The following UBN2 variants were observed in gnomAD, a reference collection of about 807,000 sequenced individuals.
UBN2 encodes the protein ubinuclein 2, also known as ubinuclein-2.
UBN2 carries 35 observed loss-of-function variants against 120.2 expected under a neutral mutation model. The ratio of observed to expected loss-of-function variants is 0.29; its 90% confidence interval spans 0.22 to 0.39. The LOEUF is 0.39. UBN2 is among the 10% of genes least tolerant of loss of function. UBN2 has a pLI of 1.00. For missense variants in UBN2, 1,693 were observed against 1,663.2 expected, an observed-to-expected ratio of 1.02 and a Z score of -0.31; for synonymous variants, 661 against 648.7, an observed-to-expected ratio of 1.02 and a Z score of -0.29.
At chr7:139,297,347 G>T (rs1040784097) in intron 17 of UBN2, among the ~76,000 whole-genome samples, 4 of 151,258 alleles carry the variant, frequency 2.6e-5, no homozygotes, top group Admixed American at 6.6e-5. Context: ...CAGGAATTAT[G>T]AAATGCTGTG....
At chr7:139,237,193 G>A (rs1796187605) in intron 2 of UBN2, 96 bp downstream of exon 2, 4 of 711,016 alleles carry the variant, frequency 5.6e-6, no homozygotes, top group Non-Finnish European at 7.1e-6. Context: ...TCCGTTGCCT[G>A]CCTTACTTTG....
chr7:139,277,394 T>A (rs1291869661), intron 12 of UBN2: 6 of 152,194 alleles, frequency 3.9e-5, no homozygotes, highest in African/African-American at 1.4e-4. Context: ...ACTGATAACA[T>A]AAATAGTTCA....
chr7:139,238,216 T>C (rs542999022), intron 2 of UBN2, among the ~76,000 whole-genome samples: 31 of 152,264 alleles, frequency 2.0e-4, no homozygotes, highest in Non-Finnish European at 4.1e-4. Context: ...TCAGCTCACA[T>C]TGGCCTTGTC....
At position 139,283,322 on chromosome 7, in the gene UBN2, T is replaced by C. The variant is rs1797671594; in HGVS notation, c.2417T>C (p.Leu806Ser). 1.9e-6 allele frequency: 3 copies of C among 1,613,778 alleles called. No individual in the cohort carries two copies. The highest frequency in any genetic ancestry group is 1.3e-5 in the African/African-American group (1 of 74,788). ...KPRPGLREEK[L>S]ASIMSKLPLA... is the part of the protein sequence containing the mutation. ...CGTCCAGGACTGAGAGAAGAAAAAT[T>C]AGCAAGTATCATGAGTAAGCTGCCA... The change falls in exon 15 of 18, where the codon TTA becomes TCA. Residue 806 changes from leucine (L) to serine (S), a missense_variant. Leu to Ser is a moderately radical substitution (Grantham distance 145). This residue lies in a region of UBN2 where 837 missense variants were observed against 817.6 expected (regional missense o/e 1.02). Coordinates refer to ENST00000473989, the MANE Select transcript of UBN2 (RefSeq NM_173569.4).
chr7:139,327,658 C>A, the UBN2 span, among the ~76,000 whole-genome samples: 1 of 152,306 alleles, frequency 6.6e-6, no homozygotes, highest in African/African-American at 2.4e-5. Flanking sequence ...AACACTTGCA[C>A]TGGGAACCTA....
At chr7:139,323,297 A>G in the UBN2 span, among the ~76,000 whole-genome samples, 1 of 152,136 alleles carries the variant, frequency 6.6e-6, no homozygotes, top group Non-Finnish European at 1.5e-5. Context: ...CTACCAAAAA[A>G]TACAAAAATC....
At chr7:139,238,069 C>T (rs1487645742) in intron 2 of UBN2, among the ~76,000 whole-genome samples, 1 of 152,180 alleles carries the variant, frequency 6.6e-6, no homozygotes. Flanking sequence ...TAGAAAGCCC[C>T]ACTCCTCACC....
In UBN2 at chr7:139,284,438, T is replaced by G. The variant is rs1428168992; in HGVS notation, c.3533T>G (p.Leu1178Arg). The change falls in exon 15 of 18, where the codon CTT (leucine) becomes CGT (arginine). Residue 1178 changes from leucine to arginine, a missense_variant. By Grantham distance (102) the Leu-to-Arg change is moderately radical. Around this residue, in one of 5 missense-constraint regions of UBN2, gnomAD observed 837 missense variants for 817.6 expected, o/e 1.02. Coordinates refer to ENST00000473989, the MANE Select transcript of UBN2 (RefSeq NM_173569.4). ...MNVPASRGSNLNSSGANRTSL... is the reference protein window; with the variant it reads ...MNVPASRGSNRNSSGANRTSL... ...GTACCTGCCAGCAGAGGTAGCAACCTTAACTCAAGCGGAGCTAATAGGACT... is the reference window on the plus strand; with the variant it reads ...GTACCTGCCAGCAGAGGTAGCAACCGTAACTCAAGCGGAGCTAATAGGACT... The G allele has an allele frequency of 1.9e-6, 3 of 1,614,158 alleles. No homozygotes were observed. Among genetic ancestry groups the G allele is most frequent in the Non-Finnish European group, 1.7e-6 (2 of 1,180,036 alleles).
At chr7:139,248,030 A>G (rs1006058840) in intron 2 of UBN2, among the ~76,000 whole-genome samples, 7 of 152,160 alleles carry the variant, frequency 4.6e-5, no homozygotes, top group Non-Finnish European at 8.8e-5. Flanking sequence ...AGGCTGGCAC[A>G]TGGTAAGTGC....
chr7:139,256,123 A>G (rs1160358326), intron 3 of UBN2, among the ~76,000 whole-genome samples: 2 of 152,222 alleles, frequency 1.3e-5, no homozygotes, highest in Non-Finnish European at 2.9e-5. Flanking sequence ...AAATATTCAC[A>G]AAGAGTGTAT....
At chr7:139,248,685 G>A (rs542398029) in intron 2 of UBN2, among the ~76,000 whole-genome samples, 1 of 151,908 alleles carries the variant, frequency 6.6e-6, no homozygotes, top group Non-Finnish European at 1.5e-5. Context: ...TATGTGGCAG[G>A]ACTAGTCCTC....
the UBN2 span, among the ~76,000 whole-genome samples, chr7:139,329,480 G>A: frequency 6.6e-6 from 1 of 152,100 alleles, no homozygotes; most frequent in African/African-American, 2.4e-5. Flanking sequence ...GTTTTTGAAA[G>A]TCTCCCTGGG....
chr7:139,247,006 C>A (rs1354324392), intron 2 of UBN2, among the ~76,000 whole-genome samples: 1 of 152,106 alleles, frequency 6.6e-6, no homozygotes, highest in African/African-American at 2.4e-5. Context: ...TGCCATGAGT[C>A]AAGTTGCTAT....
intron 6 of UBN2, 45 bp from the exon 7 acceptor site, chr7:139,266,288 G>T: frequency 5.2e-6 from 6 of 1,146,374 alleles, no homozygotes; most frequent in Non-Finnish European, 7.6e-6. Context: ...GCAAAATAGA[G>T]TAATGGCCTA....
chr7:139,296,514 A>G (rs1251022444), intron 17 of UBN2, among the ~76,000 whole-genome samples: 1 of 152,034 alleles, frequency 6.6e-6, no homozygotes, highest in Non-Finnish European at 1.5e-5. Context: ...GCTGTCAGGC[A>G]TGGGTTGTCT....
intron 6 of UBN2, among the ~76,000 whole-genome samples, chr7:139,262,123 A>G (rs145126578): frequency 1.9e-4 from 28 of 151,258 alleles, no homozygotes; most frequent in Middle Eastern, 3.4e-3. Flanking sequence ...TTTTGAGACA[A>G]AGCCTTGCTC....
the UBN2 span, among the ~76,000 whole-genome samples, chr7:139,323,659 G>T: frequency 6.6e-6 from 1 of 150,982 alleles, no homozygotes; most frequent in African/African-American, 2.4e-5. Context: ...GCGCGATCTT[G>T]GCTCACTGCA....
chr7:139,270,236 G>T (rs896735997), intron 8 of UBN2, among the ~76,000 whole-genome samples: 1 of 150,816 alleles, frequency 6.6e-6, no homozygotes, highest in Non-Finnish European at 1.5e-5. Flanking sequence ...TTGTGCACCT[G>T]AGATTCATCT....
chr7:139,288,826 AC>A (rs1472557789), intron 15 of UBN2, among the ~76,000 whole-genome samples: 1 of 151,846 alleles, frequency 6.6e-6, no homozygotes, highest in Non-Finnish European at 1.5e-5. Flanking sequence ...ACATGGTGAA[AC>A]CCCATCTCTA....
Sources: gnomAD v4.1 joint callset for allele counts (sites outside exome capture counted in the v4.1 genomes callset) on GRCh38, gnomAD v4.1.1 for gene constraint, gnomAD v4.1.1 regional missense constraint, MANE v1.5 for transcripts, NCBI Gene and HGNC (gene_info 2026-07-23, HGNC 2026-07-21) for gene names.